Variants in OR1L8 observed in about 807,000 individuals in gnomAD.
OR1L8 encodes olfactory receptor family 1 subfamily L member 8, also known as olfactory receptor 1L8.
For missense variants in OR1L8, 330 were observed against 377.4 expected, an observed-to-expected ratio of 0.87 and a Z score of 1.04; for synonymous variants, 148 against 147.0, an observed-to-expected ratio of 1.01 and a Z score of -0.05.
At chr9:122,583,015 TTTA>T (rs71508169) in intron 1 of OR1L8, among the ~76,000 whole-genome samples, 12,945 of 152,018 alleles carry the variant, frequency 0.085, 636 homozygotes, top group Middle Eastern at 0.13. Flanking sequence ...ATGGGATTAT[TTTA>T]TTATATTATT....
At chr9:122,549,954 T>C in the OR1L8 span, among the ~76,000 whole-genome samples, 1 of 152,168 alleles carries the variant, frequency 6.6e-6, no homozygotes, top group Non-Finnish European at 1.5e-5. Flanking sequence ...TTGGGCAGCA[T>C]GGTAATTTTA....
At chr9:122,553,467 G>A in the OR1L8 span, 1 of 1,613,924 alleles carries the variant, frequency 6.2e-7, no homozygotes, top group South Asian at 1.1e-5. Context: ...CAAAATGCTG[G>A]CCAACATTCA....
chr9:122,577,448 A>C (rs923988721), intron 2 of OR1L8, among the ~76,000 whole-genome samples: 12 of 152,378 alleles, frequency 7.9e-5, no homozygotes, highest in African/African-American at 2.9e-4. Flanking sequence ...AAACAGAATT[A>C]TAAAAGAAGG....
chr9:122,550,377 G>T, the OR1L8 span, among the ~76,000 whole-genome samples: 2 of 152,078 alleles, frequency 1.3e-5, no homozygotes, highest in African/African-American at 4.8e-5. Flanking sequence ...AATGAGGAAA[G>T]AATCCTCCCT....
chr9:122,553,918 G>A, the OR1L8 span: 1 of 1,613,896 alleles, frequency 6.2e-7, no homozygotes, highest in Non-Finnish European at 8.5e-7. Flanking sequence ...TCTCCTGGAG[G>A]GAGATGGAAG....
the OR1L8 span, among the ~76,000 whole-genome samples, chr9:122,555,281 T>C: frequency 6.6e-6 from 1 of 152,222 alleles, no homozygotes; most frequent in Non-Finnish European, 1.5e-5. Context: ...GATCTTCCTT[T>C]AAGGAAGATC....
At chr9:122,558,343 A>T in the OR1L8 span, among the ~76,000 whole-genome samples, 1 of 91,158 alleles carries the variant, frequency 1.1e-5, no homozygotes, top group Admixed American at 1.4e-4. Flanking sequence ...TTTTTTGCAA[A>T]AGAAGGTTAA....
In OR1L8 at chr9:122,568,340, G is replaced by A. The variant is rs752852278; in HGVS notation, c.138C>T (p.Ile46=). 3 of 1,614,018 alleles carry A rather than the reference G, an allele frequency of 1.9e-6. No homozygotes were observed. Among genetic ancestry groups the A allele is most frequent in the African/African-American group, 1.3e-5 (1 of 74,922 alleles). The change falls in exon 5 of 5, where the codon ATC becomes ATT. Residue 46 remains isoleucine (I), a synonymous_variant. Transcript: ENST00000641027. ...YLVTITGNLL[I]ILAIRFNPHL... ...GGGGGTTGAAGCGAATGGCCAGGAT[G>A]ATGAGCAGGTTCCCTGTTATGGTGA...
intron 2 of OR1L8, among the ~76,000 whole-genome samples, 152 bp downstream of exon 2, chr9:122,578,172 T>G (rs1433920329): frequency 6.6e-6 from 1 of 152,186 alleles, no homozygotes; most frequent in African/African-American, 2.4e-5. Context: ...TATACAAGGC[T>G]GAGTGCAGTG....
At chr9:122,578,019 AC>A (rs1829686876) in intron 2 of OR1L8, among the ~76,000 whole-genome samples, 1 of 152,234 alleles carries the variant, frequency 6.6e-6, no homozygotes, top group Non-Finnish European at 1.5e-5. Flanking sequence ...AAAGGAAAAC[AC>A]TTTTACACTG....
the OR1L8 span, chr9:122,553,472 C>T: frequency 6.2e-7 from 1 of 1,614,126 alleles, no homozygotes; most frequent in South Asian, 1.1e-5. Context: ...TGCTGGCCAA[C>T]ATTCATACCC....
the OR1L8 span, among the ~76,000 whole-genome samples, chr9:122,558,257 A>C: frequency 8.4e-6 from 1 of 119,692 alleles, no homozygotes; most frequent in Non-Finnish European, 1.8e-5. Flanking sequence ...TCTTGTGCTT[A>C]CTTTGGATTT....
At chr9:122,571,163 TG>T (rs2118723965) in intron 4 of OR1L8, among the ~76,000 whole-genome samples, 2 of 152,304 alleles carry the variant, frequency 1.3e-5, no homozygotes, top group East Asian at 3.9e-4. Flanking sequence ...CTCTTGCAGC[TG>T]TAAGGGTGAT....
chr9:122,582,172 T>G (rs1829746567), intron 1 of OR1L8, among the ~76,000 whole-genome samples: 1 of 152,188 alleles, frequency 6.6e-6, no homozygotes, highest in South Asian at 2.1e-4. Flanking sequence ...TAACCATATT[T>G]TTTAAAACTT....
At chr9:122,576,554 C>T (rs1203741906) in intron 3 of OR1L8, among the ~76,000 whole-genome samples, 3 of 152,096 alleles carry the variant, frequency 2.0e-5, no homozygotes, top group African/African-American at 7.2e-5. Flanking sequence ...TTTATATTCA[C>T]TCATTGTTGG....
At chr9:122,569,813 A>C (rs1476076807) in intron 4 of OR1L8, among the ~76,000 whole-genome samples, 8 of 151,890 alleles carry the variant, frequency 5.3e-5, no homozygotes, top group Non-Finnish European at 1.2e-4. Flanking sequence ...ATATCTCCTA[A>C]AGCTATCCCT....
the OR1L8 span, among the ~76,000 whole-genome samples, chr9:122,547,127 T>A: frequency 2.9e-4 from 40 of 136,288 alleles, 1 homozygote; most frequent in African/African-American, 6.5e-4. Context: ...CATAAAAAAA[T>A]AATAATTTAA....
the OR1L8 span, chr9:122,553,421 A>G: frequency 6.2e-7 from 1 of 1,614,010 alleles, no homozygotes; most frequent in African/African-American, 1.3e-5. Context: ...CCAACCTGTC[A>G]TTAACTGATG....
At chr9:122,578,892 C>G (rs1238502409) in intron 1 of OR1L8, among the ~76,000 whole-genome samples, 1 of 152,052 alleles carries the variant, frequency 6.6e-6, no homozygotes, top group Non-Finnish European at 1.5e-5. Flanking sequence ...GAAATCACCA[C>G]TAACGAACTT....
Sources: allele counts gnomAD v4.1 joint callset (sites outside exome capture counted in the v4.1 genomes callset), GRCh38; gene constraint gnomAD v4.1.1; transcripts MANE v1.5; gene names NCBI Gene and HGNC (gene_info 2026-07-23, HGNC 2026-07-21).